LMO7: variants seen among roughly 807,000 people sequenced by gnomAD.
LMO7 encodes LIM domain only protein 7.
Under a neutral mutation model 206.5 loss-of-function variants are expected in LMO7, and 120 were observed. The ratio of observed to expected loss-of-function variants is 0.58; its 90% CI spans 0.50 to 0.68. The LOEUF is 0.68. Ranked by LOEUF, LMO7 falls within the 30% of genes least tolerant of loss-of-function variation. The probability of loss-of-function intolerance (pLI) is 0.00; values close to 1 mark genes in which losing one functional copy is unlikely to be tolerated. For missense variants in LMO7, 1,959 were observed against 1,957.9 expected (o/e 1.00, Z -0.01); for synonymous variants, 706 against 681.5 (o/e 1.04, Z -0.56).
chr13:75,672,953 A>G (rs537748274), intron 1 of LMO7, among the ~76,000 whole-genome samples: 1 of 152,040 alleles, frequency 6.6e-6, no homozygotes, highest in Non-Finnish European at 1.5e-5. Context: ...TTTGTTTTCT[A>G]TGAAAAACTT....
rs2038837743 is a variant in LMO7, at chr13:75,663,571, C to G, written c.69+26845C>G. Among the ~76,000 whole-genome samples the G allele has an allele frequency of 2.0e-5, 3 of 151,284 alleles. No homozygotes were observed. In the South Asian group the frequency reaches 6.2e-4, roughly 31 times the overall value. ...TCAGCCTCCTGAGTAGCTGGGAGTA[C>G]AGGCTCCCGCCACTACACCCGGCTA... On this transcript the variant is annotated intron_variant, in intron 1 of 30. Coordinates refer to ENST00000377534, the MANE Select transcript of LMO7 (RefSeq NM_001306080.2).
intron 1 of LMO7, among the ~76,000 whole-genome samples, chr13:75,680,196 G>C (rs768095962): frequency 2.0e-5 from 3 of 152,170 alleles, no homozygotes; most frequent in Non-Finnish European, 4.4e-5. Context: ...ATGGCTTCCA[G>C]CTCTATCCAT....
chr13:75,845,269 A>T, intron 25 of LMO7, 58 bp from the exon 26 acceptor site: 1 of 801,658 alleles, frequency 1.2e-6, no homozygotes, highest in Non-Finnish European at 1.9e-6. Context: ...TTTACTTCAT[A>T]AATATAAAGG....
chr13:75,626,572 ATATAT>A lies in LMO7; in HGVS notation c.225+3258_225+3262del, dbSNP rs1310625362. On this transcript the variant is annotated intron_variant, in intron 2 of 29. Coordinates refer to the LMO7 transcript ENST00000341547. ...ACCATATTGTCTACCCTCTTAACAT[ATATAT>A]TATATATATATATATAAATTTTTTT... 2.2e-4 allele frequency among the ~76,000 whole-genome samples: 18 copies of A among 80,302 alleles called. 2 individuals are homozygous for A. The highest frequency in any genetic ancestry group is 7.7e-4 in the African/African-American group (18 of 23,372). 52.7% of individuals were successfully genotyped at this position (80,302 alleles called of 152,430 possible).
intron 4 of LMO7, among the ~76,000 whole-genome samples, chr13:75,794,303 T>C (rs1360120818): frequency 2.6e-5 from 4 of 152,162 alleles, no homozygotes; most frequent in African/African-American, 9.7e-5. Flanking sequence ...ATGAATTTCA[T>C]TGTTGAGATG....
intron 1 of LMO7, among the ~76,000 whole-genome samples, chr13:75,643,232 C>A (rs2036719559): frequency 6.6e-6 from 1 of 152,204 alleles, no homozygotes; most frequent in South Asian, 2.1e-4. Flanking sequence ...ACTCCTTCAC[C>A]TTCCCTCTTC....
chr13:75,821,677 T>A, intron 14 of LMO7, 68 bp downstream of exon 14: 1 of 1,127,114 alleles, frequency 8.9e-7, no homozygotes, highest in Non-Finnish European at 1.3e-6. Flanking sequence ...TGTGCAGAGG[T>A]TGGGGTTACA....
chr13:75,857,627 G>A (rs2139815721), intron 30 of LMO7: 1 of 235,736 alleles, frequency 4.2e-6, no homozygotes, highest in Middle Eastern at 1.4e-3. Context: ...ATGATTTCTG[G>A]AATCACCATT....
intron 1 of LMO7, among the ~76,000 whole-genome samples, chr13:75,672,972 T>C (rs11841661): frequency 0.043 from 6,505 of 152,166 alleles, 203 homozygotes; most frequent in Middle Eastern, 0.075. Flanking sequence ...TTAAAAACTT[T>C]TTATCTAGTT....
intron 14 of LMO7, 138 bp from the exon 15 acceptor site, chr13:75,823,427 C>A: frequency 1.5e-6 from 1 of 686,876 alleles, no homozygotes; most frequent in Non-Finnish European, 2.3e-6. Flanking sequence ...AAGAACTCAG[C>A]CCAAGCTTTT....
At chr13:75,761,065 A>G (rs1468269864) in intron 4 of LMO7, 27 bp downstream of exon 4, 4 of 1,299,918 alleles carry the variant, frequency 3.1e-6, no homozygotes, top group East Asian at 2.5e-5. Context: ...TGTTAGATAT[A>G]TATATATATA....
intron 1 of LMO7, among the ~76,000 whole-genome samples, chr13:75,646,368 A>G (rs191642885): frequency 4.3e-4 from 66 of 152,266 alleles, no homozygotes; most frequent in African/African-American, 1.6e-3. Flanking sequence ...TTAAAAGTGT[A>G]AGTCAGAGAT....
rs577722352 is a variant in LMO7, at chr13:75,723,193, TA to T, written c.141-3827del. ...CCACTGAAATAAAAAAATAAAAGAT[TA>T]AAAAAAAACCCAAAATCATCATTGC... On this transcript the variant is annotated intron_variant, in intron 2 of 30. Transcript: ENST00000377534. 1.5e-3 allele frequency among the ~76,000 whole-genome samples: 216 copies of T among 144,844 alleles called. 2 individuals are homozygous for T. The highest frequency in any genetic ancestry group is 0.012 in the Admixed American group (173 of 14,760).
At chr13:75,674,568 C>A (rs1212852865) in intron 1 of LMO7, among the ~76,000 whole-genome samples, 2 of 152,142 alleles carry the variant, frequency 1.3e-5, no homozygotes, top group Non-Finnish European at 1.5e-5. Context: ...CAACTTCTGG[C>A]AGTAGAGGTC....
At chr13:75,847,313 G>T (rs527897354) in intron 26 of LMO7, among the ~76,000 whole-genome samples, 1 of 152,118 alleles carries the variant, frequency 6.6e-6, no homozygotes, top group South Asian at 2.1e-4. Context: ...GAAACTAATC[G>T]CCAAATCCAA....
chr13:75,764,341 C>A (rs1039624499), intron 4 of LMO7, among the ~76,000 whole-genome samples: 2 of 152,164 alleles, frequency 1.3e-5, no homozygotes, highest in Non-Finnish European at 2.9e-5. Flanking sequence ...AGCACATACT[C>A]TCCACAAAGA....
chr13:75,815,891 T>C (rs1313901416), intron 11 of LMO7, among the ~76,000 whole-genome samples: 2 of 152,124 alleles, frequency 1.3e-5, no homozygotes, highest in African/African-American at 4.8e-5. Context: ...GTAGCAACAT[T>C]AGTAACCACA....
chr13:75,807,690 G>A lies in LMO7; in HGVS notation c.1407G>A (p.Gly469=), dbSNP rs192509061. 2.5e-6 allele frequency: 4 copies of A among 1,613,936 alleles called. No homozygotes were observed. Among genetic ancestry groups the A allele is most frequent in the Non-Finnish European group, 3.4e-6 (4 of 1,179,884 alleles). ...ENDDFFVRKT[G]AFHANPYVLR... ...ATGATTTCTTTGTCAGAAAGACTGG[G>A]GCTTTCCATGCAAATCCATATGTTC... is the stretch of plus-strand genomic sequence containing the variant. Residue 469 remains glycine (G), a synonymous_variant, in exon 10 of 31, where the codon GGG becomes GGA. Transcript: ENST00000377534.
chr13:75,692,517 C>G (rs185465116), intron 1 of LMO7, among the ~76,000 whole-genome samples: 53 of 152,054 alleles, frequency 3.5e-4, no homozygotes, highest in Non-Finnish European at 7.1e-4. Context: ...TCCCGAGTAT[C>G]TGGCACCACA....
Sources: gnomAD v4.1 joint callset for allele counts (sites outside exome capture counted in the v4.1 genomes callset) on GRCh38, gnomAD v4.1.1 for gene constraint, MANE v1.5 for transcripts, NCBI Gene and HGNC (gene_info 2026-07-23, HGNC 2026-07-21) for gene names.